The following KANK4 variants were observed in gnomAD, a reference collection of about 807,000 sequenced individuals.
The protein encoded by KANK4 is KN motif and ankyrin repeat domains 4.
Under a neutral mutation model 80.8 loss-of-function variants are expected in KANK4, and 50 were observed. That is an observed-to-expected ratio of 0.62 (90% CI 0.49 to 0.78). The LOEUF (loss-of-function observed/expected upper bound fraction) is 0.78, where lower values mean the gene tolerates loss of function less well. Among genes scored for constraint, KANK4 ranks in the 30% least tolerant of loss-of-function variants. The pLI, the probability that KANK4 is intolerant of heterozygous loss-of-function variation, is 0.00. For missense variants in KANK4, 1,196 were observed against 1,240.1 expected (o/e 0.96, Z 0.53); for synonymous variants, 465 against 506.9 (o/e 0.92, Z 1.11).
At chr1:62,240,984 G>A (rs1671327926) in intron 9 of KANK4, among the ~76,000 whole-genome samples, 1 of 152,172 alleles carries the variant, frequency 6.6e-6, no homozygotes, top group Non-Finnish European at 1.5e-5. Flanking sequence ...ACCTGAGGCT[G>A]TTGGCCTACT....
intron 1 of KANK4, among the ~76,000 whole-genome samples, chr1:62,308,920 C>T (rs1290698608): frequency 6.6e-6 from 1 of 152,194 alleles, no homozygotes; most frequent in Non-Finnish European, 1.5e-5. Flanking sequence ...GATTCTCCTG[C>T]CTCTTTTTCC....
At chr1:62,276,093 T>C (rs1425359568) in intron 2 of KANK4, among the ~76,000 whole-genome samples, 1 of 152,020 alleles carries the variant, frequency 6.6e-6, no homozygotes, top group Non-Finnish European at 1.5e-5. Context: ...GGGGCCATCA[T>C]GATGAGGAAG....
At chr1:62,272,240 C>T (rs569526440) in intron 3 of KANK4, 1 of 153,004 alleles carries the variant, frequency 6.5e-6, no homozygotes, top group South Asian at 2.1e-4. Context: ...AGGGTTTGAT[C>T]TGTTACAACA....
At position 62,273,535 on chromosome 1, in the gene KANK4, C is replaced by G; in HGVS notation, c.1569G>C (p.Leu523=). ...GGGGAGTCTTTCTGTCGCTGCCCCA[C>G]AGAAAGCCTCCTGCTCCCCTGGTTC... is the stretch of plus-strand genomic sequence containing the variant. ...QGGTRGAGGF[L]WGSDRKTPPA... The change falls in exon 3 of 10, where the codon CTG becomes CTC. Residue 523 remains leucine (L), a synonymous_variant. Coordinates refer to ENST00000371153, the MANE Select transcript of KANK4 (RefSeq NM_181712.5). The G allele has an allele frequency of 6.2e-6, 10 of 1,613,498 alleles. No homozygotes were observed. Among genetic ancestry groups the G allele is most frequent in the Non-Finnish European group, 6.8e-6 (8 of 1,179,498 alleles).
rs531382350 is a variant in KANK4, at chr1:62,317,507, C to G, written c.-71+1599G>C. Among the ~76,000 whole-genome samples, 8 of 152,360 alleles carry G rather than the reference C, an allele frequency of 5.3e-5. No homozygotes were observed. The Middle Eastern group carries it at 0.01, about 194-fold the overall frequency. On this transcript the variant is annotated intron_variant, in intron 1 of 9. Transcript: ENST00000371153. ...TTATTACAGTTCAGAAAGGAAGGCA[C>G]TGACTGGACCAGTCAATGGGATGCA...
In KANK4 at chr1:62,238,042, C is replaced by G. The variant is rs1671246030; in HGVS notation, c.*235G>C. ...TGGATGACACCGACGTACCCCTCAC[C>G]TTGCACCTTGAACCCTGCTCTGAAG... On this transcript the variant is annotated 3_prime_UTR_variant, in exon 10 of 10. Transcript: ENST00000371153. The G allele has an allele frequency of 2.2e-6, 1 of 454,752 alleles. No homozygotes were observed. The highest frequency in any genetic ancestry group is 4.0e-6 in the Non-Finnish European group (1 of 246,952). The allele number at this position is 454,752 out of a possible 1,614,324, so 28.2% of individuals were successfully genotyped here.
Position 62,253,136 on chromosome 1 carries a change from C to G in KANK4, c.2613G>C (p.Glu871Asp), listed in dbSNP as rs774212372. 3 of 1,613,806 alleles carry G rather than the reference C, an allele frequency of 1.9e-6. No homozygotes were observed. The highest frequency in any genetic ancestry group is 2.5e-6 in the Non-Finnish European group (3 of 1,179,968). Residue 871 changes from glutamate (E) to aspartate (D), a missense_variant, in exon 8 of 10, where the codon GAG becomes GAC. Physicochemically the swap from Glu to Asp is conservative, Grantham distance 45 (BLOSUM62 2). Around this residue, in one of 3 missense-constraint regions of KANK4, gnomAD observed 1,154 missense variants for 1,179.6 expected, o/e 0.98. Transcript: ENST00000371153. ...AGACAACAGCCATGTCTTCATTGGT[C>G]TCTGCGGAAGCCAAGGGAGTGATCA... ...AVMITPLASAETNEDMAVVWK... is the reference protein window; with the variant it reads ...AVMITPLASADTNEDMAVVWK...
intron 8 of KANK4, among the ~76,000 whole-genome samples, chr1:62,252,762 T>C (rs1304818242): frequency 1.3e-5 from 2 of 152,252 alleles, no homozygotes; most frequent in Non-Finnish European, 2.9e-5. Flanking sequence ...AAATGCCTTC[T>C]CAAGATGGCA....
chr1:62,282,601 G>A (rs1043470957), intron 1 of KANK4, among the ~76,000 whole-genome samples: 1 of 152,212 alleles, frequency 6.6e-6, no homozygotes, highest in Admixed American at 6.5e-5. Context: ...TGGAAAAAAG[G>A]GGACAAACAA....
At chr1:62,308,977 C>T (rs1644475815) in intron 1 of KANK4, among the ~76,000 whole-genome samples, 1 of 152,154 alleles carries the variant, frequency 6.6e-6, no homozygotes, top group African/African-American at 2.4e-5. Flanking sequence ...CTTGGGGCTC[C>T]CAGGGGCTTT....
At chr1:62,266,382 G>A (rs1672019581) in intron 6 of KANK4, among the ~76,000 whole-genome samples, 1 of 146,892 alleles carries the variant, frequency 6.8e-6, no homozygotes, top group East Asian at 2.0e-4. Flanking sequence ...ACTGTGCACT[G>A]TACACTCACA....
At chr1:62,257,607 C>T (rs1380390662) in intron 7 of KANK4, among the ~76,000 whole-genome samples, 1 of 152,118 alleles carries the variant, frequency 6.6e-6, no homozygotes, top group Non-Finnish European at 1.5e-5. Context: ...TCTGTACACC[C>T]CTTTACAGTT....
At chr1:62,268,619 C>A in intron 4 of KANK4, 114 bp from the exon 5 acceptor site, 1 of 802,966 alleles carries the variant, frequency 1.2e-6, no homozygotes, top group East Asian at 2.6e-5. Flanking sequence ...TAATCTCCTC[C>A]CCCACTCTCT....
At chr1:62,270,381 C>T (rs1005886183) in intron 4 of KANK4, among the ~76,000 whole-genome samples, 4 of 149,134 alleles carry the variant, frequency 2.7e-5, no homozygotes, top group African/African-American at 5.1e-5. Flanking sequence ...TTTTTCTTTG[C>T]TTTGCTTTTT....
chr1:62,259,445 C>T (rs904402756), intron 7 of KANK4, among the ~76,000 whole-genome samples: 1 of 152,078 alleles, frequency 6.6e-6, no homozygotes, highest in East Asian at 1.9e-4. Flanking sequence ...CCTGGCTAAT[C>T]TTCGTATTTT....
chr1:62,299,297 T>C (rs1423221440), intron 1 of KANK4, among the ~76,000 whole-genome samples: 1 of 152,112 alleles, frequency 6.6e-6, no homozygotes, highest in East Asian at 1.9e-4. Context: ...CTGGCTCAAG[T>C]GATTCTCCCG....
At chr1:62,276,683 G>A (rs1415802587) in intron 2 of KANK4, among the ~76,000 whole-genome samples, 1 of 150,498 alleles carries the variant, frequency 6.6e-6, no homozygotes, top group Non-Finnish European at 1.5e-5. Context: ...AGGCTGAGGC[G>A]GGAGAATCGC....
intron 1 of KANK4, among the ~76,000 whole-genome samples, chr1:62,315,943 GGCACAGA>G (rs1373824107): frequency 6.6e-6 from 1 of 152,184 alleles, no homozygotes; most frequent in Non-Finnish European, 1.5e-5. Flanking sequence ...CACGGGTCCT[GGCACAGA>G]GCAGAGGCTC....
At position 62,274,758 on chromosome 1, in the gene KANK4, G is replaced by C; in HGVS notation, c.346C>G (p.Pro116Ala). The stretch of plus-strand genomic sequence containing the variant: ...TCACTCCTGCTTGTTGAGGCCTGGG[G>C]GGCATTACCAAGCGGTGGTGACTGG... ...QNQSPPLGNAPQASTSRSEVS... is the reference protein window; with the variant it reads ...QNQSPPLGNAAQASTSRSEVS... Residue 116 changes from proline (P) to alanine (A), a missense_variant, in exon 3 of 10, where the codon CCC becomes GCC. Transcript: ENST00000371153. 6.2e-7 allele frequency: 1 copy of C among 1,614,096 alleles called. No individual in the cohort carries two copies. Among genetic ancestry groups the C allele is most frequent in the Non-Finnish European group, 8.5e-7 (1 of 1,179,990 alleles).
Sources: allele counts gnomAD v4.1 joint callset (sites outside exome capture counted in the v4.1 genomes callset), GRCh38; gene constraint gnomAD v4.1.1; regional missense constraint gnomAD v4.1.1; transcripts MANE v1.5; gene names NCBI Gene and HGNC (gene_info 2026-07-23, HGNC 2026-07-21).